The following PTPN2 variants were observed in gnomAD, a reference collection of about 807,000 sequenced individuals.
PTPN2 encodes the protein protein tyrosine phosphatase non-receptor type 2, also known as tyrosine-protein phosphatase non-receptor type 2.
A neutral mutation model predicts 57.3 loss-of-function variants in PTPN2; 19 were observed. The ratio of observed to expected loss-of-function variants is 0.33; its 90% confidence interval spans 0.23 to 0.49. The LOEUF (loss-of-function observed/expected upper bound fraction) is 0.49. Among genes scored for constraint, PTPN2 ranks in the 20% least tolerant of loss-of-function variants. The probability of loss-of-function intolerance (pLI) is 0.99; values close to 1 mark genes in which losing one functional copy is unlikely to be tolerated. For missense variants in PTPN2, 358 were observed against 501.1 expected (o/e 0.71, Z 2.73); for synonymous variants, 153 against 164.9 (o/e 0.93, Z 0.55).
At chr18:12,821,019 G>C (rs2042252704) in intron 5 of PTPN2, among the ~76,000 whole-genome samples, 1 of 152,096 alleles carries the variant, frequency 6.6e-6, no homozygotes, top group South Asian at 2.1e-4. Flanking sequence ...GCCTTCAAAT[G>C]CAAGTTAATA....
At chr18:12,807,518 C>T (rs540748001) in intron 7 of PTPN2, among the ~76,000 whole-genome samples, 104 of 126,398 alleles carry the variant, frequency 8.2e-4, no homozygotes, top group Admixed American at 3.7e-3. Flanking sequence ...AGTCAAGATA[C>T]GGAATCAACC....
chr18:12,804,478 T>G (rs142126078), intron 7 of PTPN2, among the ~76,000 whole-genome samples: 13 of 151,320 alleles, frequency 8.6e-5, no homozygotes, highest in African/African-American at 3.1e-4. Flanking sequence ...ATCATTTTTT[T>G]GAAAAGGCAA....
At chr18:12,848,495 G>A (rs1194554764) in intron 2 of PTPN2, among the ~76,000 whole-genome samples, 1 of 152,226 alleles carries the variant, frequency 6.6e-6, no homozygotes, top group African/African-American at 2.4e-5. Flanking sequence ...TCTAAGGCTA[G>A]GTCACAAAAG....
intron 7 of PTPN2, among the ~76,000 whole-genome samples, chr18:12,803,384 T>C (rs2041501348): frequency 6.6e-6 from 1 of 152,196 alleles, no homozygotes; most frequent in Admixed American, 6.5e-5. Context: ...TGTAAGTCCT[T>C]ATCTATCAAT....
intron 3 of PTPN2, 62 bp from the exon 4 acceptor site, chr18:12,831,103 A>C (rs939652379): frequency 3.2e-6 from 4 of 1,234,044 alleles, no homozygotes; most frequent in Non-Finnish European, 4.7e-6. Context: ...AGGCTCCAGG[A>C]AGGCCTTGTT....
At chr18:12,816,157 A>T (rs2042067435) in intron 6 of PTPN2, among the ~76,000 whole-genome samples, 1 of 152,126 alleles carries the variant, frequency 6.6e-6, no homozygotes, top group Non-Finnish European at 1.5e-5. Context: ...TAAAAAAGCA[A>T]AAACTAGTTG....
chr18:12,812,615 A>C (rs1598764735), intron 7 of PTPN2, among the ~76,000 whole-genome samples: 1 of 152,304 alleles, frequency 6.6e-6, no homozygotes, highest in African/African-American at 2.4e-5. Context: ...AAGAAAAAAA[A>C]ACCAGTAGCA....
At chr18:12,807,583 A>ATATAT (rs1340623707) in intron 7 of PTPN2, among the ~76,000 whole-genome samples, 1 of 69,434 alleles carries the variant, frequency 1.4e-5, no homozygotes, top group Non-Finnish European at 3.5e-5. Context: ...AAAAAAAAAA[A>ATATAT]AAAATATATA....
chr18:12,855,373 C>A (rs1272656204), intron 2 of PTPN2, among the ~76,000 whole-genome samples: 7 of 151,918 alleles, frequency 4.6e-5, no homozygotes, highest in African/African-American at 1.7e-4. Context: ...TAGAAAGAGG[C>A]TGAAAACACA....
At chr18:12,874,120 G>A (rs1337863483) in intron 1 of PTPN2, among the ~76,000 whole-genome samples, 4 of 151,806 alleles carry the variant, frequency 2.6e-5, no homozygotes, top group Non-Finnish European at 4.4e-5. Context: ...AGTGAGGAGC[G>A]TCTCCACCTG....
chr18:12,807,797 G>A (rs1314092850), intron 7 of PTPN2, among the ~76,000 whole-genome samples: 1 of 151,626 alleles, frequency 6.6e-6, no homozygotes, highest in Non-Finnish European at 1.5e-5. Flanking sequence ...TCGCAGAGTA[G>A]GGAAGAGGGG....
intron 8 of PTPN2, among the ~76,000 whole-genome samples, chr18:12,795,151 T>A (rs1380047738): frequency 6.6e-6 from 1 of 152,224 alleles, no homozygotes; most frequent in Non-Finnish European, 1.5e-5. Flanking sequence ...CATTTCCTGG[T>A]CACGTTTGAT....
chr18:12,868,301 T>C (rs2044063693), intron 1 of PTPN2, among the ~76,000 whole-genome samples: 1 of 152,070 alleles, frequency 6.6e-6, no homozygotes, highest in Non-Finnish European at 1.5e-5. Flanking sequence ...CTGGAGAGAC[T>C]GGAGTGAAGT....
At chr18:12,826,876 G>A (rs1346052897) in intron 4 of PTPN2, among the ~76,000 whole-genome samples, 1 of 151,754 alleles carries the variant, frequency 6.6e-6, no homozygotes, top group Non-Finnish European at 1.5e-5. Flanking sequence ...GTCTTATAAG[G>A]TATTTTTTAA....
intron 2 of PTPN2, among the ~76,000 whole-genome samples, 155 bp from the exon 3 acceptor site, chr18:12,837,046 CTT>C (rs927756400): frequency 6.6e-6 from 1 of 152,102 alleles, no homozygotes; most frequent in African/African-American, 2.4e-5. Context: ...CTATTCTCTA[CTT>C]TTTTTGTAAG....
chr18:12,866,549 T>C (rs906302315), intron 1 of PTPN2, among the ~76,000 whole-genome samples: 3 of 152,144 alleles, frequency 2.0e-5, no homozygotes, highest in African/African-American at 4.8e-5. Flanking sequence ...GAAAGTAGAT[T>C]AGTGGTTGTC....
At chr18:12,803,872 A>C (rs1301145118) in intron 7 of PTPN2, among the ~76,000 whole-genome samples, 1 of 152,214 alleles carries the variant, frequency 6.6e-6, no homozygotes, top group Non-Finnish European at 1.5e-5. Flanking sequence ...CTCTAGGCCA[A>C]ATGGACCTAA....
intron 2 of PTPN2, among the ~76,000 whole-genome samples, chr18:12,854,784 A>G (rs2043526608): frequency 6.6e-6 from 1 of 152,210 alleles, no homozygotes; most frequent in South Asian, 2.1e-4. Context: ...ATAAAGGCAA[A>G]GTGAGGAGGA....
At chr18:12,868,843 C>G (rs2044086738) in intron 1 of PTPN2, among the ~76,000 whole-genome samples, 2 of 150,966 alleles carry the variant, frequency 1.3e-5, no homozygotes, top group Admixed American at 6.6e-5. Context: ...AACAAAGGCT[C>G]ATATTCTGAA....
Sources: allele counts gnomAD v4.1 joint callset (sites outside exome capture counted in the v4.1 genomes callset), GRCh38; gene constraint gnomAD v4.1.1; transcripts MANE v1.5; gene names NCBI Gene and HGNC (gene_info 2026-07-23, HGNC 2026-07-21).